Variants in HS6ST3 observed in about 807,000 individuals in gnomAD.
HS6ST3 encodes heparan sulfate 6-O-sulfotransferase 3, also known as heparan-sulfate 6-O-sulfotransferase 3.
Under a neutral mutation model 36.7 loss-of-function variants are expected in HS6ST3, and 12 were observed. The ratio of observed to expected loss-of-function variants is 0.33; its 90% CI spans 0.21 to 0.53. HS6ST3 has a LOEUF of 0.53. Among genes scored for constraint, HS6ST3 ranks in the 20% least tolerant of loss-of-function variants. HS6ST3 has a pLI of 0.95. For missense variants in HS6ST3, 584 were observed against 640.9 expected, an observed-to-expected ratio of 0.91 and a Z score of 0.96; for synonymous variants, 240 against 257.5, an observed-to-expected ratio of 0.93 and a Z score of 0.65.
intron 1 of HS6ST3, among the ~76,000 whole-genome samples, chr13:96,742,899 A>T (rs1359849377): frequency 6.6e-6 from 1 of 152,112 alleles, no homozygotes; most frequent in Non-Finnish European, 1.5e-5. Flanking sequence ...TCCAGTAAAA[A>T]ATCTGAATGT....
chr13:96,307,589 G>T (rs1315022207), intron 1 of HS6ST3, among the ~76,000 whole-genome samples: 3 of 151,846 alleles, frequency 2.0e-5, no homozygotes, highest in African/African-American at 7.3e-5. Context: ...GATTTATTGT[G>T]ACATAGGAAA....
chr13:96,598,175 A>G (rs1257152047), intron 1 of HS6ST3, among the ~76,000 whole-genome samples: 1 of 152,066 alleles, frequency 6.6e-6, no homozygotes, highest in Non-Finnish European at 1.5e-5. Flanking sequence ...GGTTCTATAT[A>G]AATTTCAGGA....
At chr13:96,248,441 T>C (rs1437299728) in intron 1 of HS6ST3, among the ~76,000 whole-genome samples, 1 of 152,210 alleles carries the variant, frequency 6.6e-6, no homozygotes, top group Non-Finnish European at 1.5e-5. Context: ...TTACATATTA[T>C]GTTGTTGTTT....
At chr13:96,714,402 C>T (rs1875641720) in intron 1 of HS6ST3, among the ~76,000 whole-genome samples, 2 of 152,038 alleles carry the variant, frequency 1.3e-5, no homozygotes, top group East Asian at 3.9e-4. Flanking sequence ...AAAAGATGCT[C>T]TACCTTACTA....
chr13:96,626,865 CAT>C (rs758901738), intron 1 of HS6ST3, among the ~76,000 whole-genome samples: 126 of 152,032 alleles, frequency 8.3e-4, no homozygotes, highest in South Asian at 6.9e-3. Context: ...TTGTTACTGG[CAT>C]ATGGAAATGC....
At chr13:96,617,359 T>C (rs576756537) in intron 1 of HS6ST3, among the ~76,000 whole-genome samples, 1 of 152,328 alleles carries the variant, frequency 6.6e-6, no homozygotes, top group South Asian at 2.1e-4. Flanking sequence ...TACATAAAAA[T>C]TAGGATATTC....
At position 96,152,424 on chromosome 13, in the gene HS6ST3, G is replaced by A. The variant is rs370651397; in HGVS notation, c.707+60855G>A. Among the ~76,000 whole-genome samples, 33 of 144,262 alleles carry A rather than the reference G, an allele frequency of 2.3e-4. No homozygotes were observed. In the South Asian group the frequency reaches 6.3e-3, roughly 28 times the overall value. 94.6% of individuals were successfully genotyped at this position (144,262 alleles called of 152,430 possible). A position where few individuals can be genotyped will look rare whatever the true frequency, so the allele number is the denominator to read the frequency against. The stretch of plus-strand genomic sequence containing the variant: ...GCGATCTCAGCTCACTGCAAGCTCC[G>A]CCTCCCGGGTTCTCGCCATTCTCCT... On this transcript the variant is annotated intron_variant, in intron 1 of 1. Coordinates refer to ENST00000376705, the MANE Select transcript of HS6ST3 (RefSeq NM_153456.4).
intron 1 of HS6ST3, among the ~76,000 whole-genome samples, chr13:96,304,854 G>A (rs947251934): frequency 6.6e-6 from 1 of 151,320 alleles, no homozygotes; most frequent in Admixed American, 6.6e-5. Flanking sequence ...GGGACTACAG[G>A]CACCTGCCAC....
At chr13:96,447,166 G>A (rs1375836461) in intron 1 of HS6ST3, among the ~76,000 whole-genome samples, 1 of 152,094 alleles carries the variant, frequency 6.6e-6, no homozygotes, top group Non-Finnish European at 1.5e-5. Flanking sequence ...TGCTCAACTA[G>A]TTAAGCAGCT....
intron 1 of HS6ST3, among the ~76,000 whole-genome samples, chr13:96,157,592 A>T (rs2054116137): frequency 6.6e-6 from 1 of 152,218 alleles, no homozygotes; most frequent in Non-Finnish European, 1.5e-5. Flanking sequence ...CTGACTTGGG[A>T]AACTGGTGTG....
At chr13:96,809,796 A>G (rs1186382566) in intron 1 of HS6ST3, among the ~76,000 whole-genome samples, 3 of 152,212 alleles carry the variant, frequency 2.0e-5, no homozygotes, top group Admixed American at 1.3e-4. Flanking sequence ...GCTGTAACTT[A>G]CTAGCTCTGT....
intron 1 of HS6ST3, among the ~76,000 whole-genome samples, chr13:96,639,783 A>T (rs897912976): frequency 6.6e-6 from 1 of 151,978 alleles, no homozygotes; most frequent in African/African-American, 2.4e-5. Context: ...TCTCTATTAT[A>T]AATGAGAACA....
chr13:96,740,121 A>T (rs934290072), intron 1 of HS6ST3, among the ~76,000 whole-genome samples: 3 of 152,116 alleles, frequency 2.0e-5, no homozygotes, highest in Non-Finnish European at 2.9e-5. Flanking sequence ...CTCCTAATAG[A>T]TTATAAAATA....
chr13:96,602,844 C>T (rs958549157), intron 1 of HS6ST3, among the ~76,000 whole-genome samples: 2 of 152,164 alleles, frequency 1.3e-5, no homozygotes, highest in Non-Finnish European at 2.9e-5. Context: ...AAGTCCTCTA[C>T]TCAGCTCTCT....
chr13:96,811,814 A>G (rs1427925091), intron 1 of HS6ST3, among the ~76,000 whole-genome samples: 1 of 152,234 alleles, frequency 6.6e-6, no homozygotes, highest in African/African-American at 2.4e-5. Context: ...AGAATTAGCA[A>G]TATCTGAGTC....
At chr13:96,744,150 T>C (rs1478389160) in intron 1 of HS6ST3, among the ~76,000 whole-genome samples, 1 of 152,076 alleles carries the variant, frequency 6.6e-6, no homozygotes, top group Non-Finnish European at 1.5e-5. Flanking sequence ...AGCTACATTA[T>C]TACTGGAAAA....
chr13:96,372,959 T>A (rs147847555), intron 1 of HS6ST3, among the ~76,000 whole-genome samples: 12 of 152,284 alleles, frequency 7.9e-5, no homozygotes, highest in African/African-American at 2.4e-4. Context: ...GACCACAAAT[T>A]CAAAATCAAG....
chr13:96,443,633 T>G (rs2139481625), intron 1 of HS6ST3, among the ~76,000 whole-genome samples: 1 of 152,268 alleles, frequency 6.6e-6, no homozygotes, highest in South Asian at 2.1e-4. Context: ...GGCATTATTA[T>G]CTATTCACTT....
chr13:96,586,778 T>C (rs2056363040), intron 1 of HS6ST3, among the ~76,000 whole-genome samples: 1 of 152,220 alleles, frequency 6.6e-6, no homozygotes. Context: ...GATTGTTTTC[T>C]TTGCTGTGCA....
Sources: gnomAD v4.1 joint callset for allele counts (sites outside exome capture counted in the v4.1 genomes callset) on GRCh38, gnomAD v4.1.1 for gene constraint, MANE v1.5 for transcripts, NCBI Gene and HGNC (gene_info 2026-07-23, HGNC 2026-07-21) for gene names.